WDFY4: variants seen among roughly 807,000 people sequenced by gnomAD.
The protein encoded by WDFY4 is WD repeat- and FYVE domain-containing protein 4.
WDFY4 carries 169 observed loss-of-function variants against 351.9 expected under a neutral mutation model. The observed-to-expected ratio is 0.48, with a 90% CI of 0.42 to 0.55. WDFY4 has a LOEUF of 0.55. Ranked by LOEUF, WDFY4 falls within the 20% of genes least tolerant of loss-of-function variation. The pLI, the probability that WDFY4 is intolerant of heterozygous loss-of-function variation, is 0.00. For synonymous variants in WDFY4, 1,622 were observed against 1,574.6 expected, an observed-to-expected ratio of 1.03 and a Z score of -0.71; for missense variants, 3,803 against 3,935.6, an observed-to-expected ratio of 0.97 and a Z score of 0.90.
chr10:48,795,719 C>G (rs997906461), intron 23 of WDFY4, among the ~76,000 whole-genome samples: 11 of 151,866 alleles, frequency 7.2e-5, no homozygotes, highest in African/African-American at 2.4e-4. Flanking sequence ...TCGCTCAAGG[C>G]TCATATGCCA....
intron 39 of WDFY4, among the ~76,000 whole-genome samples, chr10:48,859,751 T>A (rs1358310170): frequency 6.6e-6 from 1 of 152,238 alleles, no homozygotes; most frequent in Non-Finnish European, 1.5e-5. Context: ...CTACTCTATT[T>A]TCTAGATTAT....
chr10:48,779,823 A>T (rs2066158720), intron 18 of WDFY4, 118 bp from the exon 19 acceptor site: 20 of 1,053,962 alleles, frequency 1.9e-5, no homozygotes, highest in Admixed American at 1.0e-4. Flanking sequence ...TGAGAGGAGG[A>T]TCTAGGGCTC....
In WDFY4 at chr10:48,976,966, A is replaced by G. The variant is rs1404629876; in HGVS notation, c.9278A>G (p.Asp3093Gly). The G allele has an allele frequency of 3.4e-6, 5 of 1,475,988 alleles. No homozygotes were observed. In the Admixed American group the frequency reaches 7.0e-5, roughly 21 times the overall value. The allele number at this position is 1,475,988 out of a possible 1,614,324, so 91.4% of individuals were successfully genotyped here. ...TSQIIITGSQ[D>G]GMVRVWKTED... The stretch of plus-strand genomic sequence containing the variant: ...CAGATCATCATCACCGGGAGTCAAG[A>G]CGGCATGGTCCGGGTAGGTGTGTCT... Residue 3093 changes from aspartate to glycine, a missense_variant, in exon 59 of 62, where the codon GAC (aspartate) becomes GGC (glycine). By Grantham distance (94) the Asp-to-Gly change is moderately conservative (BLOSUM62 -1). This residue lies in a region of WDFY4 where 3,054 missense variants were observed against 3,148.6 expected (regional missense o/e 0.97). Transcript: ENST00000325239.
chr10:48,712,252 A>G (rs2377624), intron 2 of WDFY4, among the ~76,000 whole-genome samples: 31,126 of 152,242 alleles, frequency 0.2, 3,286 homozygotes, highest in Middle Eastern at 0.27. Flanking sequence ...ATAGCATTTC[A>G]ATGAGAAACC....
chr10:48,750,321 C>T (rs2065142003), intron 12 of WDFY4, among the ~76,000 whole-genome samples: 1 of 152,224 alleles, frequency 6.6e-6, no homozygotes. Flanking sequence ...TCCCATGATT[C>T]CCAGGAGGGA....
In WDFY4 at chr10:48,897,496, G is replaced by T; in HGVS notation, c.7359G>T (p.Arg2453Ser). The change falls in exon 45 of 62, where the codon AGG (arginine) becomes AGT (serine). Residue 2453 changes from arginine (R) to serine (S), a missense_variant. Physicochemically the swap from Arg to Ser is moderately radical, Grantham distance 110. This residue lies in a region of WDFY4 where 3,054 missense variants were observed against 3,148.6 expected (regional missense o/e 0.97). Transcript: ENST00000325239. ...TTTTCAACCTGTGCAGCAAAGACAGGTCCACTGACCATTACTCGTGCCAGT... is the reference window on the plus strand; with the variant it reads ...TTTTCAACCTGTGCAGCAAAGACAGTTCCACTGACCATTACTCGTGCCAGT... Reference protein sequence around the residue: ...PFIFNLCSKDRSTDHYSCQCH... With the variant: ...PFIFNLCSKDSSTDHYSCQCH... 6.4e-7 allele frequency: 1 copy of T among 1,551,654 alleles called. No individual in the cohort carries two copies.
At chr10:48,937,108 G>T (rs902987634) in intron 47 of WDFY4, among the ~76,000 whole-genome samples, 3 of 151,956 alleles carry the variant, frequency 2.0e-5, no homozygotes, top group Non-Finnish European at 4.4e-5. Flanking sequence ...TGGCTAGGCT[G>T]GTCTCGAACT....
chr10:48,957,753 A>G (rs1841668107), intron 52 of WDFY4, among the ~76,000 whole-genome samples: 1 of 152,188 alleles, frequency 6.6e-6, no homozygotes, highest in Admixed American at 6.5e-5. Context: ...GGGCAGCTGG[A>G]CGGGCACTTA....
chr10:48,808,333 G>A lies in WDFY4; in HGVS notation c.4838+375G>A, dbSNP rs529371096. On this transcript the variant is annotated intron_variant, in intron 28 of 61. Transcript: ENST00000325239. ...GTGAGCCTAAATAACATCTATCAAG[G>A]AAAAGTCTTGCCAAATTCTTCTGCT... 3.6e-3 allele frequency among the ~76,000 whole-genome samples: 547 copies of A among 152,278 alleles called. 1 individual carries two copies. The highest frequency in any genetic ancestry group is 0.012 in the African/African-American group (505 of 41,554).
chr10:48,817,759 G>A (rs771865350), intron 32 of WDFY4, among the ~76,000 whole-genome samples: 13 of 152,224 alleles, frequency 8.5e-5, no homozygotes, highest in Admixed American at 2.6e-4. Context: ...CATGGGGGAG[G>A]GCAGTCCTGG....
Position 48,803,303 on chromosome 10 carries a change from A to T in WDFY4, c.4428A>T (p.Ala1476=), listed in dbSNP as rs2067145400. ...TCTTCCAGCTCTGGATGAATACTGC[A>T]GACAATCTGGAGCTCAGCCTCTTTT... ...LCNFELWMNT[A]DNLELSLFSH... The change falls in exon 25 of 62, where the codon GCA becomes GCT. Residue 1476 remains alanine, a synonymous_variant. Transcript: ENST00000325239. 6.4e-7 allele frequency: 1 copy of T among 1,552,038 alleles called. No homozygotes were observed. Among genetic ancestry groups the T allele is most frequent in the Non-Finnish European group, 8.7e-7 (1 of 1,147,064 alleles).
chr10:48,754,095 G>A (rs2065259766), intron 12 of WDFY4, among the ~76,000 whole-genome samples: 1 of 151,996 alleles, frequency 6.6e-6, no homozygotes, highest in African/African-American at 2.4e-5. Context: ...AACCACCCTT[G>A]CATTTCTAAT....
At chr10:48,717,698 T>G (rs563822245) in intron 2 of WDFY4, among the ~76,000 whole-genome samples, 3 of 152,362 alleles carry the variant, frequency 2.0e-5, no homozygotes, top group Admixed American at 6.5e-5. Context: ...CAGTCAACAT[T>G]CTATTTCTGG....
chr10:48,875,095 C>A lies in WDFY4; in HGVS notation c.6955C>A (p.Gln2319Lys). Residue 2319 changes from glutamine (Q) to lysine (K), a missense_variant, in exon 42 of 62, where the codon CAA becomes AAA. Coordinates refer to ENST00000325239, the MANE Select transcript of WDFY4 (RefSeq NM_001394531.1). ...ALSSGRHKESQDKNDHISQTN... is the reference protein window; with the variant it reads ...ALSSGRHKESKDKNDHISQTN... The stretch of plus-strand genomic sequence containing the variant: ...TTCAATGTCCTTATTTCAGGAAAGC[C>A]AAGACAAAAATGATCATATTTCTCA... 1 of 1,484,716 alleles carries A rather than the reference C, an allele frequency of 6.7e-7. No individual in the cohort carries two copies. The highest frequency in any genetic ancestry group is 9.0e-7 in the Non-Finnish European group (1 of 1,115,242). The allele number at this position is 1,484,716 out of a possible 1,614,324, so 92.0% of individuals were successfully genotyped here. A position where few individuals can be genotyped will look rare whatever the true frequency, so the allele number is the denominator to read the frequency against.
chr10:48,814,915 C>T (rs566129399), intron 31 of WDFY4, among the ~76,000 whole-genome samples: 1 of 152,134 alleles, frequency 6.6e-6, no homozygotes, highest in Admixed American at 6.5e-5. Flanking sequence ...GCCTTTTTTT[C>T]CTCAATATTT....
intron 47 of WDFY4, chr10:48,910,038 A>G (rs2133460566): frequency 1.8e-6 from 1 of 561,832 alleles, no homozygotes; most frequent in East Asian, 2.8e-5. Flanking sequence ...TCCCAAAGTC[A>G]TTTTCACACA....
chr10:48,696,956 A>G (rs1417600410), intron 1 of WDFY4, among the ~76,000 whole-genome samples: 1 of 152,204 alleles, frequency 6.6e-6, no homozygotes. Flanking sequence ...ACAGGTTAGG[A>G]AGAGATGGAG....
intron 12 of WDFY4, among the ~76,000 whole-genome samples, chr10:48,748,612 G>T (rs1393351049): frequency 6.6e-6 from 1 of 152,196 alleles, no homozygotes; most frequent in Non-Finnish European, 1.5e-5. Context: ...GGTGAGTCCT[G>T]TGTCAAATGT....
chr10:48,761,683 C>T (rs1352060565), intron 13 of WDFY4, among the ~76,000 whole-genome samples: 23 of 152,128 alleles, frequency 1.5e-4, no homozygotes, highest in Admixed American at 1.4e-3. Flanking sequence ...AAGTTGGAGT[C>T]AGCAGTCTCA....
Sources: allele counts gnomAD v4.1 joint callset (sites outside exome capture counted in the v4.1 genomes callset), GRCh38; gene constraint gnomAD v4.1.1; regional missense constraint gnomAD v4.1.1; transcripts MANE v1.5; gene names NCBI Gene and HGNC (gene_info 2026-07-23, HGNC 2026-07-21).